HS3ST1: variants seen among roughly 807,000 people sequenced by gnomAD.
The protein encoded by HS3ST1 is heparan sulfate glucosamine 3-O-sulfotransferase 1.
HS3ST1 carries 8 observed loss-of-function variants against 20.7 expected under a neutral mutation model. The ratio of observed to expected loss-of-function variants is 0.39; its 90% CI spans 0.23 to 0.70. HS3ST1 has a LOEUF of 0.70. Ranked by LOEUF, HS3ST1 falls within the 30% of genes least tolerant of loss-of-function variation. The probability of loss-of-function intolerance (pLI) is 0.46; values close to 1 mark genes in which losing one functional copy is unlikely to be tolerated. For missense variants in HS3ST1, 436 were observed against 423.4 expected (o/e 1.03, Z -0.26); for synonymous variants, 205 against 190.4 (o/e 1.08, Z -0.63).
At position 11,400,071 on chromosome 4, in the gene HS3ST1, G is replaced by A. The variant is rs903020496; in HGVS notation, c.-66C>T. Reference sequence around the variant, plus strand: ...GGTCATGAAGTGCCGCAGCAGGGAAGCCTCCTAGTCAGTGGCACATGGGCG... The same window carrying A: ...GGTCATGAAGTGCCGCAGCAGGGAAACCTCCTAGTCAGTGGCACATGGGCG... On this transcript the variant is annotated 5_prime_UTR_variant, in exon 2 of 2. Coordinates refer to ENST00000002596, the MANE Select transcript of HS3ST1 (RefSeq NM_005114.4). The A allele has an allele frequency of 8.4e-6, 12 of 1,436,512 alleles. No homozygotes were observed. The highest frequency in any genetic ancestry group is 5.6e-5 in the Admixed American group (2 of 35,728). 89.0% of individuals were successfully genotyped at this position (1,436,512 alleles called of 1,614,324 possible).
chr4:11,396,088 C>T lies in HS3ST1; in HGVS notation c.*2994G>A, dbSNP rs1718137961. 1 of 152,144 alleles carries T rather than the reference C, an allele frequency of 6.6e-6. No individual in the cohort carries two copies. The highest frequency in any genetic ancestry group is 2.4e-5 in the African/African-American group (1 of 41,432). 9.4% of individuals were successfully genotyped at this position (152,144 alleles called of 1,614,324 possible). ...GAATAATGGTGACCTGTGACACCAC[C>T]CCTGTAAGCAGCAGGCACGCTAGGC... On this transcript the variant is annotated 3_prime_UTR_variant, in exon 2 of 2. Transcript: ENST00000002596.
rs1018246125 is a variant in HS3ST1 at position 11,400,156 on chromosome 4, G to T, written c.-108-43C>A. On this transcript the variant is annotated intron_variant, in intron 1 of 1. Coordinates refer to ENST00000002596, the MANE Select transcript of HS3ST1 (RefSeq NM_005114.4). ...AAGATATTAACATATAACAAATACA[G>T]GGATAATTCAACTAACAACTCTGTA... 5.0e-6 allele frequency: 7 copies of T among 1,401,244 alleles called. No individual in the cohort carries two copies. The African/African-American group carries it at 5.8e-5, about 12-fold the overall frequency. The allele number at this position is 1,401,244 out of a possible 1,614,324, so 86.8% of individuals were successfully genotyped here.
intron 1 of HS3ST1, among the ~76,000 whole-genome samples, chr4:11,400,406 CTATT>C (rs1406780468): frequency 3.9e-5 from 6 of 152,232 alleles, no homozygotes; most frequent in African/African-American, 1.2e-4. Flanking sequence ...CAAGAACACT[CTATT>C]TATGGGCACT....
chr4:11,431,243 A>AAC (rs1553858965), upstream of HS3ST1, among the ~76,000 whole-genome samples: 2 of 151,950 alleles, frequency 1.3e-5, no homozygotes, highest in African/African-American at 2.4e-5. Flanking sequence ...AAAAAAAAAA[A>AAC]AAAAAAACTT....
At chr4:11,400,144 A>C in intron 1 of HS3ST1, 31 bp from the exon 2 acceptor site, 1 of 1,416,414 alleles carries the variant, frequency 7.1e-7, no homozygotes, top group Non-Finnish European at 9.2e-7. Flanking sequence ...ATATTAACAT[A>C]TAACAAATAC....
intron 1 of HS3ST1, among the ~76,000 whole-genome samples, chr4:11,405,603 AG>A (rs1211141677): frequency 6.6e-6 from 1 of 152,152 alleles, no homozygotes; most frequent in African/African-American, 2.4e-5. Context: ...AATAGCTGGA[AG>A]GTACTGGGAA....
rs1718235720 is a variant in HS3ST1, at chr4:11,399,226, G to T, written c.780C>A (p.Ser260Arg). The change falls in exon 2 of 2, where the codon AGC becomes AGA. Residue 260 changes from serine to arginine, a missense_variant. Ser to Arg is a moderately radical substitution (Grantham distance 110). Coordinates refer to ENST00000002596, the MANE Select transcript of HS3ST1 (RefSeq NM_005114.4). This position sits in a 1 kb window ranked among gnomAD's most constrained non-coding sequence, Gnocchi z 5.1. ...ACTCATGTAAGCAGCGGTCCCGGCC[G>T]CTGTCCCGCAGGCAGTAAAAGCCCT... ...KTKGFYCLRD[S>R]GRDRCLHESK... 6.2e-7 allele frequency: 1 copy of T among 1,614,166 alleles called. No homozygotes were observed. The highest frequency in any genetic ancestry group is 8.5e-7 in the Non-Finnish European group (1 of 1,180,036).
At position 11,394,224 on chromosome 4, in the gene HS3ST1, C is replaced by T. The variant is rs1718078771; in HGVS notation, c.*4858G>A. 1 of 152,192 alleles carries T rather than the reference C, an allele frequency of 6.6e-6. No individual in the cohort carries two copies. The highest frequency in any genetic ancestry group is 1.5e-5 in the Non-Finnish European group (1 of 68,048). 9.4% of individuals were successfully genotyped at this position (152,192 alleles called of 1,614,324 possible). A position where few individuals can be genotyped will look rare whatever the true frequency, so the allele number is the denominator to read the frequency against. The stretch of plus-strand genomic sequence containing the variant: ...AGAAGGAAATGGAGGTTCTCAGAGT[C>T]TGAATCTAAGATCCCATGGTCAGTG... On this transcript the variant is annotated 3_prime_UTR_variant, in exon 2 of 2. Coordinates refer to ENST00000002596, the MANE Select transcript of HS3ST1 (RefSeq NM_005114.4).
intron 1 of HS3ST1, among the ~76,000 whole-genome samples, chr4:11,425,560 C>T (rs966990634): frequency 1.3e-5 from 2 of 152,144 alleles, no homozygotes; most frequent in Non-Finnish European, 2.9e-5. Flanking sequence ...CAAGAAGAGA[C>T]TGGCCAATTA....
intron 1 of HS3ST1, among the ~76,000 whole-genome samples, chr4:11,422,302 C>T (rs1409868806): frequency 2.0e-5 from 3 of 152,202 alleles, no homozygotes; most frequent in Non-Finnish European, 4.4e-5. Context: ...CCGCCTGTTT[C>T]TTCTTTTCTG....
At position 11,396,344 on chromosome 4, in the gene HS3ST1, A is replaced by T. The variant is rs1460232359; in HGVS notation, c.*2738T>A. On this transcript the variant is annotated 3_prime_UTR_variant, in exon 2 of 2. Coordinates refer to ENST00000002596, the MANE Select transcript of HS3ST1 (RefSeq NM_005114.4). ...GGAGTGTCAAGTGTGTGAATATTCC[A>T]AATCTAATAGCTGAGGCTTGGTTCA... The T allele has an allele frequency of 6.6e-6, 1 of 152,254 alleles. No homozygotes were observed. The highest frequency in any genetic ancestry group is 2.4e-5 in the African/African-American group (1 of 41,444). 9.4% of individuals were successfully genotyped at this position (152,254 alleles called of 1,614,324 possible).
chr4:11,410,914 T>C (rs1376521392), intron 1 of HS3ST1, among the ~76,000 whole-genome samples: 4 of 151,642 alleles, frequency 2.6e-5, no homozygotes, highest in Non-Finnish European at 4.4e-5. Context: ...AATAAATAAA[T>C]AAATAAAAAA....
In HS3ST1 at chr4:11,399,550, G is replaced by A. The variant is rs778649153; in HGVS notation, c.456C>T (p.Arg152=). Residue 152 remains arginine, a synonymous_variant, in exon 2 of 2, where the codon CGC becomes CGT. Coordinates refer to ENST00000002596, the MANE Select transcript of HS3ST1 (RefSeq NM_005114.4). The surrounding 1 kb of genome is among the most constrained non-coding windows in gnomAD (Gnocchi z 5.1). ...LLLILRDPSE[R]VLSDYTQVFY... ...ACACTTGGGTGTAGTCAGATAGCAC[G>A]CGCTCCGACGGGTCTCGCAGGATGA... 80 of 1,613,766 alleles carry A rather than the reference G, an allele frequency of 5.0e-5. No homozygotes were observed. The highest frequency in any genetic ancestry group is 1.2e-4 in the African/African-American group (9 of 74,922).
At chr4:11,406,256 C>T (rs1276004918) in intron 1 of HS3ST1, among the ~76,000 whole-genome samples, 2 of 152,088 alleles carry the variant, frequency 1.3e-5, no homozygotes, top group Non-Finnish European at 2.9e-5. Flanking sequence ...TATTTTTAAG[C>T]AATAAAAAGG....
At chr4:11,420,727 A>G (rs1275733340) in intron 1 of HS3ST1, among the ~76,000 whole-genome samples, 1 of 152,080 alleles carries the variant, frequency 6.6e-6, no homozygotes, top group Non-Finnish European at 1.5e-5. Flanking sequence ...TTTGCTCTAC[A>G]CTTCTTTTGG....
At chr4:11,430,117 A>C (rs1229031315), upstream of HS3ST1, among the ~76,000 whole-genome samples, 1 of 152,182 alleles carries the variant, frequency 6.6e-6, no homozygotes, top group Admixed American at 6.5e-5. Context: ...ACTCATACAC[A>C]GATTACCCTC....
At chr4:11,419,035 C>G (rs1385988355) in intron 1 of HS3ST1, among the ~76,000 whole-genome samples, 1 of 152,090 alleles carries the variant, frequency 6.6e-6, no homozygotes, top group Admixed American at 6.6e-5. Context: ...GGGGTTTACT[C>G]AGGGGCTGCT....
At chr4:11,416,677 G>C (rs748486860) in intron 1 of HS3ST1, among the ~76,000 whole-genome samples, 29 of 152,196 alleles carry the variant, frequency 1.9e-4, no homozygotes, top group Non-Finnish European at 3.8e-4. Flanking sequence ...AGGCTGGTGG[G>C]GAGGAGATCT....
At chr4:11,409,960 A>G (rs1432667160) in intron 1 of HS3ST1, among the ~76,000 whole-genome samples, 3 of 152,170 alleles carry the variant, frequency 2.0e-5, no homozygotes, top group Non-Finnish European at 4.4e-5. Context: ...ATTTCTCAAA[A>G]CTCAACTATG....
Sources: gnomAD v4.1 joint callset for allele counts (sites outside exome capture counted in the v4.1 genomes callset) on GRCh38, gnomAD v4.1.1 for gene constraint, Gnocchi (gnomAD v3.1) non-coding constraint, MANE v1.5 for transcripts, NCBI Gene and HGNC (gene_info 2026-07-23, HGNC 2026-07-21) for gene names.